PDZD2: variants seen among roughly 807,000 people sequenced by gnomAD.
PDZD2 encodes PDZ domain containing 2.
Under a neutral mutation model 220.7 loss-of-function variants are expected in PDZD2, and 90 were observed. The ratio of observed to expected loss-of-function variants is 0.41; its 90% CI spans 0.34 to 0.49. PDZD2 has a LOEUF of 0.49. PDZD2 is among the 20% of genes least tolerant of loss of function. The probability of loss-of-function intolerance (pLI) is 0.28; values close to 1 mark genes in which losing one functional copy is unlikely to be tolerated. For missense variants in PDZD2, 3,174 were observed against 3,608.5 expected, an observed-to-expected ratio of 0.88 and a Z score of 3.08; for synonymous variants, 1,375 against 1,450.5, an observed-to-expected ratio of 0.95 and a Z score of 1.18.
rs183855335 is a variant in PDZD2 at position 31,898,973 on chromosome 5, G to A, written c.477-84182G>A. 6.0e-3 allele frequency among the ~76,000 whole-genome samples: 906 copies of A among 150,156 alleles called. 5 individuals carry two copies. The highest frequency in any genetic ancestry group is 0.01 in the Non-Finnish European group (697 of 67,626). Reference sequence around the variant, plus strand: ...CTCCCGAGTAGCTGGGACTATAGGCGCCCGCCACCACCCCCAGCTATTTTT... The same window carrying A: ...CTCCCGAGTAGCTGGGACTATAGGCACCCGCCACCACCCCCAGCTATTTTT... On this transcript the variant is annotated intron_variant, in intron 2 of 24. Transcript: ENST00000438447.
intron 2 of PDZD2, among the ~76,000 whole-genome samples, chr5:31,911,703 G>T (rs1743220623): frequency 6.6e-6 from 1 of 152,212 alleles, no homozygotes; most frequent in Admixed American, 6.5e-5. Context: ...ATGTGATGGA[G>T]CCAGGAAAAG....
intron 7 of PDZD2, among the ~76,000 whole-genome samples, chr5:32,044,589 G>A (rs988079449): frequency 2.6e-5 from 4 of 152,138 alleles, no homozygotes; most frequent in South Asian, 4.1e-4. Flanking sequence ...AATTCAATAC[G>A]TTTTTGGCAG....
At chr5:32,080,756 C>T (rs1194992037) in intron 19 of PDZD2, among the ~76,000 whole-genome samples, 1 of 152,130 alleles carries the variant, frequency 6.6e-6, no homozygotes, top group Admixed American at 6.6e-5. Flanking sequence ...GGAATGAGAT[C>T]ATGTCCTTTG....
chr5:32,051,427 TTG>T (rs1738538915), intron 8 of PDZD2, among the ~76,000 whole-genome samples: 1 of 152,248 alleles, frequency 6.6e-6, no homozygotes, highest in Non-Finnish European at 1.5e-5. Context: ...CATCTAATTT[TTG>T]TGTTTGAATG....
chr5:32,109,037 A>ACAAGT lies in PDZD2; in HGVS notation c.*905_*909dup, dbSNP rs1745101803. 1 of 100,048 alleles carries ACAAGT rather than the reference A, an allele frequency of 1.0e-5. No homozygotes were observed. The highest frequency in any genetic ancestry group is 3.0e-5 in the African/African-American group (1 of 33,072). 6.2% of individuals were successfully genotyped at this position (100,048 alleles called of 1,614,324 possible). On this transcript the variant is annotated 3_prime_UTR_variant, in exon 25 of 25. Coordinates refer to ENST00000438447, the MANE Select transcript of PDZD2 (RefSeq NM_178140.4). ...CAGTCCAAGAGCAGACAAAAATATC[A>ACAAGT]CAAGTCAGTCAGTCACTGGGTTTCC... is the stretch of plus-strand genomic sequence containing the variant.
At chr5:31,908,395 A>T in intron 2 of PDZD2, 1 of 449,418 alleles carries the variant, frequency 2.2e-6, no homozygotes, top group South Asian at 2.9e-5. Flanking sequence ...AGCCATGATC[A>T]GGTGTGTTCA....
At chr5:31,982,132 T>C (rs2111863306) in intron 2 of PDZD2, among the ~76,000 whole-genome samples, 1 of 152,340 alleles carries the variant, frequency 6.6e-6, no homozygotes, top group South Asian at 2.1e-4. Context: ...TCCTTCTTTG[T>C]CTATGTGTTT....
intron 13 of PDZD2, 64 bp downstream of exon 13, chr5:32,059,420 G>T (rs770067076): frequency 1.1e-4 from 86 of 798,544 alleles, no homozygotes; most frequent in Non-Finnish European, 1.8e-4. Flanking sequence ...ATACACGTGT[G>T]ATATTTGTTC....
intron 2 of PDZD2, among the ~76,000 whole-genome samples, chr5:31,981,453 G>A (rs530727764): frequency 4.6e-5 from 7 of 152,318 alleles, no homozygotes; most frequent in African/African-American, 1.7e-4. Flanking sequence ...CTAAGTGAAA[G>A]CTCACTATGA....
chr5:31,725,906 C>T (rs1480992400), intron 1 of PDZD2: 4 of 700,624 alleles, frequency 5.7e-6, no homozygotes, highest in Non-Finnish European at 1.0e-5. Flanking sequence ...TCTCTTCTCA[C>T]AGGGCCGTTC....
intron 1 of PDZD2, among the ~76,000 whole-genome samples, chr5:31,701,084 A>G (rs533785033): frequency 2.8e-4 from 42 of 152,324 alleles, no homozygotes; most frequent in African/African-American, 9.4e-4. Flanking sequence ...TCCATTCTCC[A>G]GGGTTGAGCT....
Position 32,073,919 on chromosome 5 carries a change from C to T in PDZD2, c.2813C>T (p.Thr938Ile). The T allele has an allele frequency of 6.2e-7, 1 of 1,614,100 alleles. No homozygotes were observed. Among genetic ancestry groups the T allele is most frequent in the African/African-American group, 1.3e-5 (1 of 75,044 alleles). Residue 938 changes from threonine to isoleucine, a missense_variant, in exon 18 of 25, where the codon ACA becomes ATA. By Grantham distance (89) the Thr-to-Ile change is moderately conservative (BLOSUM62 -1). Around this residue, in one of 4 missense-constraint regions of PDZD2, gnomAD observed 1,861 missense variants for 2,001.0 expected, o/e 0.93. Coordinates refer to ENST00000438447, the MANE Select transcript of PDZD2 (RefSeq NM_178140.4). The part of the protein sequence containing the change: ...RASGLFHKQV[T>I]VARQASLPGS... ...TCTGGGCTCTTCCACAAGCAGGTGACAGTTGCCAGACAAGCCAGTCTCCCC... is the reference window on the plus strand; with the variant it reads ...TCTGGGCTCTTCCACAAGCAGGTGATAGTTGCCAGACAAGCCAGTCTCCCC...
At position 32,109,252 on chromosome 5, in the gene PDZD2, T is replaced by TAAGTA. The variant is rs1554046024; in HGVS notation, c.*1118_*1122dup. 5.3e-5 allele frequency: 8 copies of TAAGTA among 151,332 alleles called. No individual in the cohort carries two copies. The South Asian group carries it at 8.3e-4, about 16-fold the overall frequency. The allele number at this position is 151,332 out of a possible 1,614,324, so 9.4% of individuals were successfully genotyped here. A position where few individuals can be genotyped will look rare whatever the true frequency, so the allele number is the denominator to read the frequency against. The stretch of plus-strand genomic sequence containing the variant: ...AACATGTTTAAGAAATGTAACATTC[T>TAAGTA]AAGTATTGGATCTCTTTTCTTGACC... On this transcript the variant is annotated 3_prime_UTR_variant, in exon 25 of 25. Coordinates refer to ENST00000438447, the MANE Select transcript of PDZD2 (RefSeq NM_178140.4).
chr5:32,007,036 C>A (rs111476522), intron 5 of PDZD2, among the ~76,000 whole-genome samples: 14,929 of 151,536 alleles, frequency 0.099, 2,191 homozygotes, highest in African/African-American at 0.32. Context: ...CTGCCTCAGC[C>A]TCCTGAGTAG....
intron 1 of PDZD2, among the ~76,000 whole-genome samples, chr5:31,668,549 T>C (rs1031595659): frequency 1.3e-5 from 2 of 152,260 alleles, no homozygotes; most frequent in Admixed American, 6.5e-5. Context: ...ATGACATATT[T>C]GCATGTCAGG....
chr5:31,866,624 T>C (rs1417681060), intron 2 of PDZD2, among the ~76,000 whole-genome samples: 2 of 152,168 alleles, frequency 1.3e-5, no homozygotes, highest in African/African-American at 2.4e-5. Context: ...GACAGAAAGC[T>C]GCTGACCCTG....
At chr5:31,649,860 C>A (rs1262424988) in intron 1 of PDZD2, among the ~76,000 whole-genome samples, 1 of 148,572 alleles carries the variant, frequency 6.7e-6, no homozygotes, top group African/African-American at 2.5e-5. Context: ...ACCGCTTGAA[C>A]CCGGGAGGCG....
rs1743032546 is a variant in PDZD2 at position 32,090,618 on chromosome 5, A to C, written c.7170A>C (p.Ala2390=). The C allele has an allele frequency of 6.2e-7, 1 of 1,613,990 alleles. No homozygotes were observed. Among genetic ancestry groups the C allele is most frequent in the African/African-American group, 1.3e-5 (1 of 74,934 alleles). The part of the protein sequence containing the change: ...GSLGHPGDAA[A]RLLRRSLSSC... The stretch of plus-strand genomic sequence containing the variant: ...TGGGCCACCCAGGTGACGCAGCAGC[A>C]AGGTTGTTGAGACGCAGCTTGAGTT... The change falls in exon 20 of 25, where the codon GCA becomes GCC. Residue 2390 remains alanine, a synonymous_variant. Coordinates refer to ENST00000438447, the MANE Select transcript of PDZD2 (RefSeq NM_178140.4). This position sits in a 1 kb window ranked among gnomAD's most constrained non-coding sequence, Gnocchi z 4.3.
intron 2 of PDZD2, among the ~76,000 whole-genome samples, chr5:31,888,594 G>C (rs906998776): frequency 6.6e-6 from 1 of 152,322 alleles, no homozygotes; most frequent in East Asian, 1.9e-4. Flanking sequence ...TGTTAATGAG[G>C]TGGTTTATAC....
Sources: allele counts gnomAD v4.1 joint callset (sites outside exome capture counted in the v4.1 genomes callset), GRCh38; gene constraint gnomAD v4.1.1; regional missense constraint gnomAD v4.1.1; non-coding constraint Gnocchi (gnomAD v3.1); transcripts MANE v1.5; gene names NCBI Gene and HGNC (gene_info 2026-07-23, HGNC 2026-07-21).